The following GPC6 variants were observed in gnomAD, a reference collection of about 807,000 sequenced individuals.
GPC6 encodes the protein glypican 6.
In GPC6, 14 loss-of-function variants were observed where a neutral mutation model predicts 55.2. That is an observed-to-expected ratio of 0.25 (90% CI 0.17 to 0.40). The LOEUF is 0.40. Ranked by LOEUF, GPC6 falls within the 10% of genes least tolerant of loss-of-function variation. GPC6 has a pLI of 1.00. For missense variants in GPC6, 641 were observed against 708.5 expected (o/e 0.90, Z 1.08); for synonymous variants, 278 against 259.6 (o/e 1.07, Z -0.68).
At chr13:94,173,079 G>A (rs907569583) in intron 4 of GPC6, among the ~76,000 whole-genome samples, 1 of 152,058 alleles carries the variant, frequency 6.6e-6, no homozygotes, top group Non-Finnish European at 1.5e-5. Context: ...ATGAGGAAAG[G>A]GATACTTCAG....
At chr13:93,803,710 A>C (rs537035326) in intron 2 of GPC6, among the ~76,000 whole-genome samples, 1 of 152,352 alleles carries the variant, frequency 6.6e-6, no homozygotes, top group Non-Finnish European at 1.5e-5. Flanking sequence ...TGAGTGGCTA[A>C]ATATATGTGG....
chr13:93,405,276 C>T (rs1876243323), intron 1 of GPC6, among the ~76,000 whole-genome samples: 1 of 152,014 alleles, frequency 6.6e-6, no homozygotes, highest in South Asian at 2.1e-4. Context: ...CTTTAATTAC[C>T]GGATCTGAGA....
At chr13:93,455,554 C>G (rs1225256810) in intron 1 of GPC6, among the ~76,000 whole-genome samples, 1 of 151,950 alleles carries the variant, frequency 6.6e-6, no homozygotes, top group African/African-American at 2.4e-5. Context: ...AGAAATCACT[C>G]TTTAGCAGGT....
chr13:93,940,736 C>T (rs1390881504), intron 3 of GPC6, among the ~76,000 whole-genome samples: 1 of 152,122 alleles, frequency 6.6e-6, no homozygotes, highest in Non-Finnish European at 1.5e-5. Context: ...TCCGTTTTAA[C>T]TTCTAGGTAG....
rs571837537 is a variant in GPC6, at chr13:93,950,061, G to T, written c.712-77668G>T. On this transcript the variant is annotated intron_variant, in intron 3 of 8. Coordinates refer to ENST00000377047, the MANE Select transcript of GPC6 (RefSeq NM_005708.5). ...GGTACAGAGTTTCTGTCTGGATGAT[G>T]AAATTTGTCTGAAAATATTAGAGGT... Among the ~76,000 whole-genome samples, 6 of 152,278 alleles carry T rather than the reference G, an allele frequency of 3.9e-5. No individual in the cohort carries two copies. The South Asian group carries it at 1.2e-3, about 32-fold the overall frequency.
At position 93,324,157 on chromosome 13, in the gene GPC6, T is replaced by C. The variant is rs115861081; in HGVS notation, c.160+96541T>C. Among the ~76,000 whole-genome samples the C allele has an allele frequency of 8.7e-3, 1,331 of 152,242 alleles. 24 individuals are homozygous for C. The highest frequency in any genetic ancestry group is 0.031 in the African/African-American group (1,287 of 41,558). ...GTCATTTGCAACAACATGGATAGAA[T>C]TGGACATCATTTTGTTGAGTGAAAT... On this transcript the variant is annotated intron_variant, in intron 1 of 8. Coordinates refer to ENST00000377047, the MANE Select transcript of GPC6 (RefSeq NM_005708.5).
intron 2 of GPC6, among the ~76,000 whole-genome samples, chr13:93,618,681 CA>C (rs1878825269): frequency 6.6e-6 from 1 of 152,024 alleles, no homozygotes; most frequent in African/African-American, 2.4e-5. Context: ...TATCATGCTT[CA>C]AATATTTTAA....
chr13:93,910,931 A>G (rs577452967), intron 3 of GPC6, among the ~76,000 whole-genome samples: 1 of 152,304 alleles, frequency 6.6e-6, no homozygotes, highest in South Asian at 2.1e-4. Context: ...GCAATATATC[A>G]ATTACCAGCT....
intron 4 of GPC6, among the ~76,000 whole-genome samples, chr13:94,084,337 C>T (rs1351705285): frequency 2.0e-5 from 3 of 152,170 alleles, no homozygotes; most frequent in Non-Finnish European, 2.9e-5. Flanking sequence ...CCCTTCTACA[C>T]AGTGTTTCAG....
intron 4 of GPC6, among the ~76,000 whole-genome samples, chr13:94,161,964 T>C (rs1274356752): frequency 6.6e-6 from 1 of 152,024 alleles, no homozygotes; most frequent in Non-Finnish European, 1.5e-5. Context: ...GGGAAACCAC[T>C]CATAAAACCG....
chr13:93,647,989 G>A (rs894251099), intron 2 of GPC6, among the ~76,000 whole-genome samples: 3 of 152,050 alleles, frequency 2.0e-5, no homozygotes, highest in African/African-American at 7.2e-5. Context: ...CTTGGAATGG[G>A]CTGTAAGGAC....
At chr13:93,448,404 GCACAGCAGTGAAATCTCTT>G (rs1217213232) in intron 1 of GPC6, among the ~76,000 whole-genome samples, 1 of 152,128 alleles carries the variant, frequency 6.6e-6, no homozygotes, top group African/African-American at 2.4e-5. Flanking sequence ...TATGAGGTTT[GCACAGCAGTGAAATCTCTT>G]AACACTCATT....
At position 94,297,323 on chromosome 13, in the gene GPC6, G is replaced by A. The variant is rs115088549; in HGVS notation, c.1009-8657G>A. On this transcript the variant is annotated intron_variant, in intron 5 of 8. Coordinates refer to ENST00000377047, the MANE Select transcript of GPC6 (RefSeq NM_005708.5). ...GTAGGTGGAAGGAATGGTAGAGCCC[G>A]TCTGATGTAAATTACATGCTTACTT... Among the ~76,000 whole-genome samples, 361 of 152,250 alleles carry A rather than the reference G, an allele frequency of 2.4e-3. 5 individuals carry two copies. The highest frequency in any genetic ancestry group is 8.2e-3 in the African/African-American group (342 of 41,556).
intron 1 of GPC6, among the ~76,000 whole-genome samples, chr13:93,458,494 G>A (rs1878556966): frequency 6.6e-6 from 1 of 152,004 alleles, no homozygotes; most frequent in Admixed American, 6.6e-5. Context: ...GTTTCTCACG[G>A]ATACTCCAGC....
In GPC6 at chr13:94,151,474, T is replaced by C. The variant is rs945576260; in HGVS notation, c.877+123580T>C. Among the ~76,000 whole-genome samples, 9 of 152,260 alleles carry C rather than the reference T, an allele frequency of 5.9e-5. No homozygotes were observed. In the South Asian group the frequency reaches 1.2e-3, roughly 21 times the overall value. On this transcript the variant is annotated intron_variant, in intron 4 of 8. Transcript: ENST00000377047. ...CTTCTCTTGTAAGTGAGCAGGACAC[T>C]ACAGAAGCTGACATGCGAAGGGCCC... is the stretch of plus-strand genomic sequence containing the variant.
chr13:93,643,282 C>G (rs766900558), intron 2 of GPC6, among the ~76,000 whole-genome samples: 5 of 152,078 alleles, frequency 3.3e-5, no homozygotes, highest in Non-Finnish European at 5.9e-5. Context: ...TTCACAGCCT[C>G]CATATTTTCT....
chr13:93,395,386 A>C, intron 1 of GPC6: 1 of 336,924 alleles, frequency 3.0e-6, no homozygotes, highest in East Asian at 6.9e-5. Flanking sequence ...TGACAATCTT[A>C]TCCACAGAAT....
chr13:93,965,949 C>A (rs1880020736), intron 3 of GPC6, among the ~76,000 whole-genome samples: 2 of 152,142 alleles, frequency 1.3e-5, no homozygotes, highest in African/African-American at 2.4e-5. Flanking sequence ...GCCTGGCCAG[C>A]CCTCTTCCCG....
At chr13:93,452,006 G>A (rs1878244869) in intron 1 of GPC6, among the ~76,000 whole-genome samples, 1 of 152,096 alleles carries the variant, frequency 6.6e-6, no homozygotes. Context: ...AATAGCAAAT[G>A]CTTTCTCTGG....
Sources: gnomAD v4.1 joint callset for allele counts (sites outside exome capture counted in the v4.1 genomes callset) on GRCh38, gnomAD v4.1.1 for gene constraint, MANE v1.5 for transcripts, NCBI Gene and HGNC (gene_info 2026-07-23, HGNC 2026-07-21) for gene names.